The following DOK6 variants were observed in gnomAD, a reference collection of about 807,000 sequenced individuals.
The protein encoded by DOK6 is docking protein 6, also known as downstream of tyrosine kinase 6.
A neutral mutation model predicts 44.0 loss-of-function variants in DOK6; 22 were observed. That is an observed-to-expected ratio of 0.50 (90% CI 0.36 to 0.71). DOK6 has a LOEUF of 0.71. Among genes scored for constraint, DOK6 ranks in the 30% least tolerant of loss-of-function variants. The probability of loss-of-function intolerance (pLI) is 0.00; values close to 1 mark genes in which losing one functional copy is unlikely to be tolerated. For missense variants in DOK6, 340 were observed against 416.4 expected, an observed-to-expected ratio of 0.82 and a Z score of 1.60; for synonymous variants, 166 against 145.5, an observed-to-expected ratio of 1.14 and a Z score of -1.01.
intron 3 of DOK6, among the ~76,000 whole-genome samples, chr18:69,669,454 C>G (rs1599253807): frequency 6.6e-6 from 1 of 152,194 alleles, no homozygotes; most frequent in South Asian, 2.1e-4. Context: ...TATGGCTGCG[C>G]AGTATTTCAT....
intron 1 of DOK6, among the ~76,000 whole-genome samples, chr18:69,507,560 T>C (rs867094265): frequency 1.3e-5 from 2 of 152,174 alleles, no homozygotes; most frequent in African/African-American, 4.8e-5. Flanking sequence ...ATCTTTTATT[T>C]CTTTCATCAA....
rs1421573376 is a variant in DOK6, at chr18:69,424,448, T to G, written c.66+23138T>G. Among the ~76,000 whole-genome samples the G allele has an allele frequency of 2.0e-5, 3 of 152,342 alleles. No homozygotes were observed. In the East Asian group the frequency reaches 5.8e-4, roughly 29 times the overall value. On this transcript the variant is annotated intron_variant, in intron 1 of 7. Transcript: ENST00000382713. Reference sequence around the variant, plus strand: ...TTCACGGCTATTGATTAGTTTTCTATGTGACATCTTTTCTTAATGGTGTAC... The same window carrying G: ...TTCACGGCTATTGATTAGTTTTCTAGGTGACATCTTTTCTTAATGGTGTAC...
chr18:69,531,317 G>T (rs1257537786), intron 1 of DOK6, among the ~76,000 whole-genome samples: 1 of 147,612 alleles, frequency 6.8e-6, no homozygotes, highest in African/African-American at 2.5e-5. Flanking sequence ...TGAAAGAAGG[G>T]GTATTTTCTT....
chr18:69,622,015 T>C (rs577492632), intron 3 of DOK6, among the ~76,000 whole-genome samples: 38 of 152,350 alleles, frequency 2.5e-4, no homozygotes, highest in Non-Finnish European at 4.9e-4. Context: ...AAAAATACTG[T>C]ACATATAGTA....
chr18:69,460,117 C>A (rs1979747661), intron 1 of DOK6, among the ~76,000 whole-genome samples: 1 of 152,116 alleles, frequency 6.6e-6, no homozygotes, highest in African/African-American at 2.4e-5. Context: ...TCTGTACTTT[C>A]TGGCACAATA....
chr18:69,678,226 A>G (rs1985968648), intron 4 of DOK6, among the ~76,000 whole-genome samples: 2 of 152,088 alleles, frequency 1.3e-5, no homozygotes, highest in Admixed American at 1.3e-4. Flanking sequence ...TCCAGCCTGG[A>G]CAACAGAGTA....
At chr18:69,548,773 A>G (rs888126906) in intron 1 of DOK6, among the ~76,000 whole-genome samples, 3 of 151,538 alleles carry the variant, frequency 2.0e-5, no homozygotes, top group African/African-American at 7.3e-5. Context: ...AAGAATTTTT[A>G]ATTGTAAGAG....
In DOK6 at chr18:69,841,259, C is replaced by T. The variant is rs76231229; in HGVS notation, c.872C>T (p.Ser291Leu). The T allele has an allele frequency of 1.0e-3, 1,666 of 1,614,148 alleles. 7 individuals are homozygous for T. In the African/African-American group the frequency reaches 0.011, roughly 11 times the overall value. Residue 291 changes from serine to leucine, a missense_variant, in exon 8 of 8, where the codon TCG becomes TTG. Transcript: ENST00000382713. ...TCCTCTCTAGGTCATGGGTTTGGTTCGTCAAAGATGTCTCGTGCACAGACA... is the reference window on the plus strand; with the variant it reads ...TCCTCTCTAGGTCATGGGTTTGGTTTGTCAAAGATGTCTCGTGCACAGACA... ...IYSLQGHGFGSSKMSRAQTFP... is the reference protein window; with the variant it reads ...IYSLQGHGFGLSKMSRAQTFP...
At chr18:69,463,500 T>C (rs954825996) in intron 1 of DOK6, among the ~76,000 whole-genome samples, 2 of 152,168 alleles carry the variant, frequency 1.3e-5, no homozygotes, top group African/African-American at 4.8e-5. Flanking sequence ...TTAGGAATGT[T>C]TTCTTTTATG....
chr18:69,804,530 A>G (rs1445031932), intron 7 of DOK6, among the ~76,000 whole-genome samples: 1 of 152,210 alleles, frequency 6.6e-6, no homozygotes, highest in African/African-American at 2.4e-5. Flanking sequence ...AGATACTATG[A>G]TAAATTATAC....
chr18:69,797,711 A>G (rs764160164), intron 7 of DOK6, among the ~76,000 whole-genome samples: 76 of 152,174 alleles, frequency 5.0e-4, no homozygotes, highest in Admixed American at 1.2e-3. Context: ...TGTTACAGAT[A>G]ACATTGCATA....
intron 7 of DOK6, among the ~76,000 whole-genome samples, chr18:69,774,133 G>GATATATATATATATATGAGATATAT (rs1979980513): frequency 4.9e-4 from 33 of 66,894 alleles, no homozygotes; most frequent in Admixed American, 1.7e-3. Context: ...ATATATATGA[G>GATATATATATATATATGAGATATAT]ATATATATAT....
chr18:69,564,182 A>C (rs1982913335), intron 1 of DOK6, among the ~76,000 whole-genome samples: 1 of 152,178 alleles, frequency 6.6e-6, no homozygotes, highest in East Asian at 1.9e-4. Flanking sequence ...AAGATGGAGA[A>C]TTGTCTGTCA....
chr18:69,800,113 G>T (rs1980859448), intron 7 of DOK6, among the ~76,000 whole-genome samples: 1 of 151,636 alleles, frequency 6.6e-6, no homozygotes, highest in Non-Finnish European at 1.5e-5. Context: ...ACACAAAAAT[G>T]GAGCCATTCA....
At chr18:69,526,829 G>A (rs969258988) in intron 1 of DOK6, among the ~76,000 whole-genome samples, 5 of 152,172 alleles carry the variant, frequency 3.3e-5, no homozygotes, top group African/African-American at 1.2e-4. Context: ...AAATATATCT[G>A]TGTTCACTAA....
At chr18:69,514,224 C>T (rs975898141) in intron 1 of DOK6, among the ~76,000 whole-genome samples, 13 of 147,450 alleles carry the variant, frequency 8.8e-5, no homozygotes, top group African/African-American at 3.2e-4. Context: ...AATATTGAAT[C>T]AAATATAAGA....
At chr18:69,534,159 C>A (rs908468735) in intron 1 of DOK6, among the ~76,000 whole-genome samples, 2 of 152,052 alleles carry the variant, frequency 1.3e-5, no homozygotes, top group Admixed American at 6.6e-5. Context: ...GCCTGTAGTC[C>A]CACTGCTATT....
chr18:69,618,728 A>C (rs190707487), intron 3 of DOK6: 1 of 152,346 alleles, frequency 6.6e-6, no homozygotes. Flanking sequence ...TGCCCTCGTG[A>C]TTCAATTATC....
chr18:69,737,344 C>G (rs1978645377), intron 5 of DOK6, among the ~76,000 whole-genome samples: 1 of 152,110 alleles, frequency 6.6e-6, no homozygotes, highest in Non-Finnish European at 1.5e-5. Context: ...GGAAGAACTT[C>G]CAAACACTTA....
Sources: gnomAD v4.1 joint callset for allele counts (sites outside exome capture counted in the v4.1 genomes callset) on GRCh38, gnomAD v4.1.1 for gene constraint, MANE v1.5 for transcripts, NCBI Gene and HGNC (gene_info 2026-07-23, HGNC 2026-07-21) for gene names.